The following GRIN2B variants were observed in gnomAD, a reference collection of about 807,000 sequenced individuals.
GRIN2B encodes glutamate ionotropic receptor NMDA type subunit 2B, also known as glutamate receptor ionotropic, NMDA 2B.
GRIN2B carries 5 observed loss-of-function variants against 114.5 expected under a neutral mutation model. The observed-to-expected ratio is 0.04, with a 90% CI of 0.02 to 0.09. The LOEUF is 0.09. Among genes scored for constraint, GRIN2B ranks in the 10% least tolerant of loss-of-function variants. GRIN2B has a pLI of 1.00. For synonymous variants in GRIN2B, 787 were observed against 745.1 expected (o/e 1.06, Z -0.92); for missense variants, 1,108 against 1,943.5 (o/e 0.57, Z 8.08).
At chr12:13,601,518 ATTTT>A (rs199904898) in intron 10 of GRIN2B, among the ~76,000 whole-genome samples, 1 of 145,034 alleles carries the variant, frequency 6.9e-6, no homozygotes, top group Non-Finnish European at 1.5e-5. Flanking sequence ...ATTTGCAAAG[ATTTT>A]TTTTTTTTTT....
intron 3 of GRIN2B, among the ~76,000 whole-genome samples, chr12:13,824,334 CTTGAG>C (rs777330490): frequency 1.4e-4 from 22 of 152,084 alleles, no homozygotes; most frequent in South Asian, 1.0e-3. Flanking sequence ...TTTTTTTCTT[CTTGAG>C]TTAACTTTCG....
chr12:13,548,481 T>TCC lies in GRIN2B; in HGVS notation c.*14300_*14301dup, dbSNP rs62686762. On this transcript the variant is annotated 3_prime_UTR_variant, in exon 14 of 14. Coordinates refer to ENST00000609686, the MANE Select transcript of GRIN2B (RefSeq NM_000834.5). ...CCAAGAATCCTGCTATTTTCCCACC[T>TCC]CCCCCCCCCGATGAATATAGGTGTA... 10 of 149,390 alleles carry TCC rather than the reference T, an allele frequency of 6.7e-5. No homozygotes were observed. Among genetic ancestry groups the TCC allele is most frequent in the African/African-American group, 2.2e-4 (9 of 40,234 alleles). 9.3% of individuals were successfully genotyped at this position (149,390 alleles called of 1,614,324 possible). A position where few individuals can be genotyped will look rare whatever the true frequency, so the allele number is the denominator to read the frequency against.
At chr12:13,885,101 G>A (rs1197468050) in intron 2 of GRIN2B, among the ~76,000 whole-genome samples, 1 of 152,000 alleles carries the variant, frequency 6.6e-6, no homozygotes, top group Non-Finnish European at 1.5e-5. Context: ...AACTGATGAG[G>A]GGTAAAACAC....
At chr12:13,855,520 C>T (rs1041653790) in intron 3 of GRIN2B, among the ~76,000 whole-genome samples, 3 of 152,108 alleles carry the variant, frequency 2.0e-5, no homozygotes, top group Admixed American at 6.5e-5. Flanking sequence ...ATCAAGGTGT[C>T]GGGAGTCTCA....
intron 2 of GRIN2B, among the ~76,000 whole-genome samples, chr12:13,972,473 T>A (rs889409433): frequency 5.3e-5 from 8 of 150,286 alleles, no homozygotes; most frequent in Non-Finnish European, 8.9e-5. Flanking sequence ...AGGCAGCTAC[T>A]GGACAGCCTG....
At chr12:13,871,601 T>C (rs962018370) in intron 2 of GRIN2B, among the ~76,000 whole-genome samples, 1 of 151,518 alleles carries the variant, frequency 6.6e-6, no homozygotes, top group East Asian at 1.9e-4. Context: ...CTTACTGCAT[T>C]AAAAACTTAA....
At chr12:13,740,492 CTTTTTT>C (rs59103603) in intron 4 of GRIN2B, among the ~76,000 whole-genome samples, 2 of 141,122 alleles carry the variant, frequency 1.4e-5, no homozygotes, top group African/African-American at 2.6e-5. Flanking sequence ...ATAGCATTTT[CTTTTTT>C]TTTTTTTTTA....
chr12:13,603,648 G>T (rs1949196674), intron 10 of GRIN2B, among the ~76,000 whole-genome samples: 1 of 151,740 alleles, frequency 6.6e-6, no homozygotes, highest in East Asian at 1.9e-4. Flanking sequence ...ATTATTAGTA[G>T]TAGTAATAGT....
chr12:13,930,837 CA>C (rs1026325700), intron 2 of GRIN2B, among the ~76,000 whole-genome samples: 13 of 150,676 alleles, frequency 8.6e-5, no homozygotes, highest in South Asian at 2.1e-4. Context: ...AGCCCCCCAA[CA>C]AAAAAAAACC....
intron 5 of GRIN2B, among the ~76,000 whole-genome samples, chr12:13,629,807 C>T (rs1293160741): frequency 6.6e-6 from 1 of 152,110 alleles, no homozygotes; most frequent in Non-Finnish European, 1.5e-5. Context: ...TGTCTTTACT[C>T]ATGCCAAAAT....
intron 10 of GRIN2B, among the ~76,000 whole-genome samples, chr12:13,590,378 C>T (rs1948990442): frequency 6.6e-6 from 1 of 151,994 alleles, no homozygotes; most frequent in South Asian, 2.1e-4. Flanking sequence ...TCCTAATGCT[C>T]TCCCTCCCCT....
intron 4 of GRIN2B, among the ~76,000 whole-genome samples, chr12:13,704,847 T>C (rs913488151): frequency 1.3e-5 from 2 of 152,196 alleles, no homozygotes; most frequent in African/African-American, 4.8e-5. Flanking sequence ...TGATTTCTCA[T>C]TTGTAAATAA....
intron 3 of GRIN2B, among the ~76,000 whole-genome samples, chr12:13,848,435 A>G (rs1865503907): frequency 6.6e-6 from 1 of 152,154 alleles, no homozygotes; most frequent in South Asian, 2.1e-4. Flanking sequence ...AAGCAGGAAA[A>G]GAGTCCTCTG....
intron 10 of GRIN2B, among the ~76,000 whole-genome samples, chr12:13,575,459 G>A (rs1429815164): frequency 2.0e-5 from 3 of 152,050 alleles, no homozygotes; most frequent in African/African-American, 7.2e-5. Context: ...AGGAGTTTGA[G>A]GCCAGCCTGG....
intron 4 of GRIN2B, among the ~76,000 whole-genome samples, chr12:13,680,032 C>T (rs1254506016): frequency 6.6e-6 from 1 of 152,018 alleles, no homozygotes; most frequent in Non-Finnish European, 1.5e-5. Context: ...AAGAAAGTTG[C>T]TTGATTTTAA....
intron 2 of GRIN2B, among the ~76,000 whole-genome samples, chr12:13,976,098 A>C (rs1054375309): frequency 1.1e-4 from 16 of 152,250 alleles, no homozygotes; most frequent in Non-Finnish European, 1.3e-4. Flanking sequence ...CCGCAGGTGA[A>C]CCTCAAAAAC....
intron 4 of GRIN2B, among the ~76,000 whole-genome samples, chr12:13,678,763 G>A (rs1414701924): frequency 6.6e-6 from 1 of 151,990 alleles, no homozygotes; most frequent in Admixed American, 6.6e-5. Flanking sequence ...TCCAACCAAA[G>A]GCCCTGAAGA....
At chr12:13,605,548 CTCTG>C (rs1382258142) in intron 10 of GRIN2B, among the ~76,000 whole-genome samples, 8 of 89,460 alleles carry the variant, frequency 8.9e-5, no homozygotes, top group African/African-American at 2.4e-4. Context: ...CTCTCTCTCT[CTCTG>C]ACACACACAC....
chr12:13,929,940 C>A (rs1471906975), intron 2 of GRIN2B, among the ~76,000 whole-genome samples: 2 of 152,128 alleles, frequency 1.3e-5, no homozygotes, highest in African/African-American at 2.4e-5. Flanking sequence ...AATCTCAGCA[C>A]TTTGGGAGGC....
Sources: allele counts gnomAD v4.1 joint callset (sites outside exome capture counted in the v4.1 genomes callset), GRCh38; gene constraint gnomAD v4.1.1; transcripts MANE v1.5; gene names NCBI Gene and HGNC (gene_info 2026-07-23, HGNC 2026-07-21).